AUTS2: variants seen among roughly 807,000 people sequenced by gnomAD.
AUTS2 encodes autism susceptibility gene 2 protein.
In AUTS2, 17 loss-of-function variants were observed where a neutral mutation model predicts 112.4. The ratio of observed to expected loss-of-function variants is 0.15; its 90% CI spans 0.10 to 0.23. AUTS2 has a LOEUF of 0.23. AUTS2 is among the 10% of genes least tolerant of loss of function. The pLI, the probability that AUTS2 is intolerant of heterozygous loss-of-function variation, is 1.00. For synonymous variants in AUTS2, 751 were observed against 702.7 expected (o/e 1.07, Z -1.09); for missense variants, 1,510 against 1,701.6 (o/e 0.89, Z 1.98).
intron 4 of AUTS2, among the ~76,000 whole-genome samples, chr7:70,215,910 A>G (rs144465632): frequency 1.3e-5 from 2 of 152,338 alleles, no homozygotes; most frequent in East Asian, 3.9e-4. Context: ...TTTGGCTTAA[A>G]TCACAGACTT....
chr7:70,254,592 C>T (rs1209854391), intron 4 of AUTS2, among the ~76,000 whole-genome samples: 1 of 152,188 alleles, frequency 6.6e-6, no homozygotes, highest in Non-Finnish European at 1.5e-5. Context: ...TGTACATGTT[C>T]CAATGTCACC....
chr7:70,240,780 C>A (rs1043312735), intron 4 of AUTS2, among the ~76,000 whole-genome samples: 1 of 152,156 alleles, frequency 6.6e-6, no homozygotes, highest in African/African-American at 2.4e-5. Flanking sequence ...TTACAGTTTT[C>A]TTTTAGTTTA....
chr7:70,007,259 C>G (rs904486106), intron 2 of AUTS2, among the ~76,000 whole-genome samples: 1 of 151,984 alleles, frequency 6.6e-6, no homozygotes, highest in African/African-American at 2.4e-5. Context: ...GCCTTTCTGT[C>G]CCCCCCTAAA....
intron 4 of AUTS2, among the ~76,000 whole-genome samples, chr7:70,242,239 G>A (rs1328133280): frequency 6.6e-6 from 1 of 152,086 alleles, no homozygotes; most frequent in African/African-American, 2.4e-5. Context: ...AGGAGATTGT[G>A]TGGCTAGAAG....
chr7:70,642,751 C>T (rs572723937), intron 5 of AUTS2, among the ~76,000 whole-genome samples: 22 of 150,024 alleles, frequency 1.5e-4, no homozygotes, highest in Admixed American at 1.4e-3. Flanking sequence ...GACTTCTCTT[C>T]TGTCTTCTAA....
At chr7:69,636,629 T>G (rs931705157) in intron 1 of AUTS2, among the ~76,000 whole-genome samples, 5 of 152,238 alleles carry the variant, frequency 3.3e-5, no homozygotes, top group Middle Eastern at 3.4e-3. Flanking sequence ...TATGAGGGAA[T>G]GCATGCACCT....
intron 1 of AUTS2, among the ~76,000 whole-genome samples, chr7:69,611,683 C>A (rs1356414700): frequency 1.3e-5 from 2 of 152,002 alleles, no homozygotes; most frequent in East Asian, 3.9e-4. Flanking sequence ...GTAATCCCAG[C>A]ACTTTGGGAG....
At chr7:69,932,690 T>A (rs1280948615) in intron 2 of AUTS2, among the ~76,000 whole-genome samples, 1 of 152,224 alleles carries the variant, frequency 6.6e-6, no homozygotes. Flanking sequence ...TCAGTGTGAC[T>A]TTGGCTAGGG....
rs200192496 is a variant in AUTS2 at position 69,714,249 on chromosome 7, A to ATGTGTGTGTGTGTGTG, written c.309+114313_309+114328dup. ...CAGCTAATTGTGCATGTGTGTGTATATGTGTGTGTGTGTGTGTGTGTGTGT... is the reference window on the plus strand; with the variant it reads ...CAGCTAATTGTGCATGTGTGTGTATATGTGTGTGTGTGTGTGTGTGTGTGTGTGTGTGTGTGTGTGT... On this transcript the variant is annotated intron_variant, in intron 1 of 18. Transcript: ENST00000342771. 6.7e-3 allele frequency among the ~76,000 whole-genome samples: 620 copies of ATGTGTGTGTGTGTGTG among 92,804 alleles called. 7 individuals carry two copies. Among genetic ancestry groups the ATGTGTGTGTGTGTGTG allele is most frequent in the African/African-American group, 0.019 (539 of 28,534 alleles). The allele number at this position is 92,804 out of a possible 152,430, so 60.9% of individuals were successfully genotyped here.
At chr7:70,754,449 A>G (rs1789061939) in intron 6 of AUTS2, among the ~76,000 whole-genome samples, 1 of 151,582 alleles carries the variant, frequency 6.6e-6, no homozygotes, top group Non-Finnish European at 1.5e-5. Flanking sequence ...TGATTGCACC[A>G]CTGCATCCCA....
intron 5 of AUTS2, among the ~76,000 whole-genome samples, chr7:70,566,582 G>A: frequency 2.0e-5 from 3 of 152,008 alleles, no homozygotes; most frequent in Non-Finnish European, 4.4e-5. Flanking sequence ...TGTGGTTCAG[G>A]TCTGTTGTTC....
At chr7:70,533,281 A>G (rs1019042448) in intron 5 of AUTS2, among the ~76,000 whole-genome samples, 4 of 152,046 alleles carry the variant, frequency 2.6e-5, no homozygotes, top group African/African-American at 9.7e-5. Flanking sequence ...ATGCCCAGCT[A>G]CTTTTTAATT....
Position 70,160,393 on chromosome 7 carries a change from T to A in AUTS2, c.660+25822T>A, listed in dbSNP as rs570753509. ...TCTGCTCACTTTAATTCTAGATGTG[T>A]GAATTCTTGACTTGAGGACTTTGAT... On this transcript the variant is annotated intron_variant, in intron 4 of 18. Transcript: ENST00000342771. Among the ~76,000 whole-genome samples, 39 of 152,332 alleles carry A rather than the reference T, an allele frequency of 2.6e-4. No individual in the cohort carries two copies. The South Asian group carries it at 7.9e-3, about 31-fold the overall frequency.
chr7:69,901,083 G>A (rs1794951922), intron 2 of AUTS2, among the ~76,000 whole-genome samples: 2 of 152,108 alleles, frequency 1.3e-5, no homozygotes, highest in African/African-American at 2.4e-5. Flanking sequence ...TCCGTGGTTT[G>A]TTCTGTTTTC....
chr7:70,418,075 CTGTGTGTGTGTGTGTGTGTG>C (rs34869843), intron 4 of AUTS2, among the ~76,000 whole-genome samples: 2 of 136,370 alleles, frequency 1.5e-5, no homozygotes, highest in African/African-American at 2.6e-5. Context: ...GGCTAACTTT[CTGTGTGTGTGTGTGTGTGTG>C]TGTGTGTGTG....
intron 2 of AUTS2, among the ~76,000 whole-genome samples, chr7:70,033,131 A>G (rs961001654): frequency 2.0e-5 from 3 of 152,140 alleles, no homozygotes; most frequent in Non-Finnish European, 2.9e-5. Flanking sequence ...TTGCACAACT[A>G]TCTGAATATA....
intron 4 of AUTS2, among the ~76,000 whole-genome samples, chr7:70,241,179 T>C (rs1470527607): frequency 6.6e-6 from 1 of 152,172 alleles, no homozygotes; most frequent in Non-Finnish European, 1.5e-5. Context: ...AATGATATCA[T>C]TATCAACATT....
chr7:69,701,402 T>C (rs1391387318), intron 1 of AUTS2, among the ~76,000 whole-genome samples: 1 of 152,192 alleles, frequency 6.6e-6, no homozygotes, highest in Non-Finnish European at 1.5e-5. Context: ...AGTATTTGAG[T>C]GCTCAGCAAG....
chr7:69,700,626 T>C (rs1379625464), intron 1 of AUTS2, among the ~76,000 whole-genome samples: 2 of 152,220 alleles, frequency 1.3e-5, no homozygotes, highest in Non-Finnish European at 2.9e-5. Flanking sequence ...AGGCATATAA[T>C]TCAGAGCCCA....
Sources: gnomAD v4.1 joint callset for allele counts (sites outside exome capture counted in the v4.1 genomes callset) on GRCh38, gnomAD v4.1.1 for gene constraint, MANE v1.5 for transcripts, NCBI Gene and HGNC (gene_info 2026-07-23, HGNC 2026-07-21) for gene names.